FSTL5: variants seen among roughly 807,000 people sequenced by gnomAD.
FSTL5 encodes follistatin-related protein 5.
A neutral mutation model predicts 89.1 loss-of-function variants in FSTL5; 62 were observed. The ratio of observed to expected loss-of-function variants is 0.70; its 90% CI spans 0.57 to 0.86. The LOEUF is 0.86. FSTL5 is among the 40% of genes least tolerant of loss of function. The probability of loss-of-function intolerance (pLI) is 0.00; values close to 1 mark genes in which losing one functional copy is unlikely to be tolerated. For synonymous variants in FSTL5, 383 were observed against 346.2 expected (o/e 1.11, Z -1.18); for missense variants, 1,057 against 1,001.6 (o/e 1.06, Z -0.75).
At chr4:162,105,196 T>A (rs1352408699) in intron 2 of FSTL5, among the ~76,000 whole-genome samples, 1 of 152,184 alleles carries the variant, frequency 6.6e-6, no homozygotes, top group East Asian at 1.9e-4. Context: ...CCTCACATAT[T>A]TACCATTTAT....
intron 2 of FSTL5, among the ~76,000 whole-genome samples, chr4:162,108,604 A>T (rs1731317602): frequency 6.6e-6 from 1 of 151,950 alleles, no homozygotes; most frequent in African/African-American, 2.4e-5. Context: ...AAATACAAAT[A>T]TTTACATTTT....
intron 1 of FSTL5, among the ~76,000 whole-genome samples, chr4:162,117,771 AACTATGTT>A (rs1731699207): frequency 6.6e-6 from 1 of 152,198 alleles, no homozygotes; most frequent in African/African-American, 2.4e-5. Context: ...GTAAAGACAG[AACTATGTT>A]AATCATTTCT....
intron 1 of FSTL5, among the ~76,000 whole-genome samples, chr4:162,162,672 T>C (rs915794707): frequency 1.3e-5 from 2 of 152,172 alleles, no homozygotes; most frequent in African/African-American, 4.8e-5. Context: ...TCTTTCTCTG[T>C]ACACACTCAG....
intron 8 of FSTL5, among the ~76,000 whole-genome samples, chr4:161,556,817 A>ATT (rs369555965): frequency 0.024 from 3,304 of 140,140 alleles, 48 homozygotes; most frequent in Non-Finnish European, 0.033. Context: ...TCGGTAAAAG[A>ATT]TTATATATAT....
At chr4:161,773,609 T>A (rs767159901) in intron 5 of FSTL5, among the ~76,000 whole-genome samples, 2 of 152,106 alleles carry the variant, frequency 1.3e-5, no homozygotes, top group Non-Finnish European at 2.9e-5. Flanking sequence ...ACATCACTAA[T>A]GGTCAGGGAA....
chr4:161,448,442 G>C (rs986691198), intron 15 of FSTL5, among the ~76,000 whole-genome samples: 9 of 152,196 alleles, frequency 5.9e-5, no homozygotes, highest in Admixed American at 5.9e-4. Flanking sequence ...TTGATATATG[G>C]TTAGCCATAT....
At chr4:161,526,011 G>C (rs1276127867) in intron 10 of FSTL5, among the ~76,000 whole-genome samples, 1 of 152,050 alleles carries the variant, frequency 6.6e-6, no homozygotes, top group Non-Finnish European at 1.5e-5. Context: ...TGTGGGGGTT[G>C]ACTTTATTTA....
chr4:161,616,413 G>A (rs974869078), intron 7 of FSTL5, among the ~76,000 whole-genome samples: 4 of 152,030 alleles, frequency 2.6e-5, no homozygotes, highest in African/African-American at 9.7e-5. Flanking sequence ...TCTCATTTTG[G>A]ATGCTTCCTG....
At chr4:161,593,657 C>T (rs1733910107) in intron 7 of FSTL5, among the ~76,000 whole-genome samples, 1 of 151,942 alleles carries the variant, frequency 6.6e-6, no homozygotes, top group Non-Finnish European at 1.5e-5. Context: ...TGAATATTTC[C>T]TTAATAACTC....
At chr4:161,605,682 T>C (rs1413926493) in intron 7 of FSTL5, among the ~76,000 whole-genome samples, 1 of 152,198 alleles carries the variant, frequency 6.6e-6, no homozygotes, top group African/African-American at 2.4e-5. Flanking sequence ...CTTCCCCAAA[T>C]GACTGAAAAT....
chr4:161,406,644 ATTTCACCT>A (rs1731388915), intron 15 of FSTL5, among the ~76,000 whole-genome samples: 1 of 152,086 alleles, frequency 6.6e-6, no homozygotes, highest in African/African-American at 2.4e-5. Flanking sequence ...TGAGCTGTCT[ATTTCACCT>A]TTCAATGCTG....
intron 15 of FSTL5, among the ~76,000 whole-genome samples, chr4:161,417,419 C>T (rs1318989165): frequency 1.3e-5 from 2 of 152,202 alleles, no homozygotes; most frequent in Non-Finnish European, 2.9e-5. Context: ...TGTCACCTTA[C>T]ATTTCAGCTA....
intron 3 of FSTL5, 56 bp downstream of exon 3, chr4:162,033,569 T>C: frequency 1.1e-6 from 1 of 921,644 alleles, no homozygotes; most frequent in Non-Finnish European, 1.6e-6. Context: ...TCACATATCT[T>C]TTTTCTTTCT....
At chr4:161,892,947 A>G (rs1268304625) in intron 4 of FSTL5, among the ~76,000 whole-genome samples, 1 of 152,098 alleles carries the variant, frequency 6.6e-6, no homozygotes, top group African/African-American at 2.4e-5. Context: ...TTGTATGTTC[A>G]TATCTTTTTC....
chr4:161,540,313 A>G (rs1731776399), intron 9 of FSTL5, among the ~76,000 whole-genome samples: 1 of 152,102 alleles, frequency 6.6e-6, no homozygotes, highest in East Asian at 1.9e-4. Flanking sequence ...TATTCATTTC[A>G]CTTGACCTTT....
chr4:161,615,484 C>A (rs1319523578), intron 7 of FSTL5, among the ~76,000 whole-genome samples: 1 of 150,320 alleles, frequency 6.7e-6, no homozygotes, highest in Admixed American at 6.6e-5. Flanking sequence ...GAAATACAGG[C>A]CTTCTAAATA....
chr4:161,748,540 T>A (rs543459345), intron 6 of FSTL5, among the ~76,000 whole-genome samples: 8 of 151,948 alleles, frequency 5.3e-5, no homozygotes, highest in Admixed American at 5.2e-4. Context: ...TATATAAGGT[T>A]GTACAAGCTC....
At chr4:161,591,281 G>A (rs7660164) in intron 7 of FSTL5, among the ~76,000 whole-genome samples, 81,529 of 151,924 alleles carry the variant, frequency 0.54, 22,204 homozygotes, top group East Asian at 0.75. Context: ...CATAGAAGAC[G>A]GATTTGTGGT....
intron 15 of FSTL5, among the ~76,000 whole-genome samples, chr4:161,451,222 TTC>T (rs1180597981): frequency 1.3e-5 from 2 of 151,774 alleles, no homozygotes; most frequent in Non-Finnish European, 2.9e-5. Flanking sequence ...AAATTATGGT[TTC>T]CATAATTTAT....
Sources: gnomAD v4.1 joint callset for allele counts (sites outside exome capture counted in the v4.1 genomes callset) on GRCh38, gnomAD v4.1.1 for gene constraint, MANE v1.5 for transcripts, NCBI Gene and HGNC (gene_info 2026-07-23, HGNC 2026-07-21) for gene names.